Variants in EPHB1 observed in about 807,000 individuals in gnomAD.
EPHB1 encodes EPH receptor B1, also known as ephrin type-B receptor 1.
In EPHB1, 30 loss-of-function variants were observed where a neutral mutation model predicts 94.4. The observed-to-expected ratio is 0.32, with a 90% CI of 0.24 to 0.43. The LOEUF is 0.43. EPHB1 is among the 20% of genes least tolerant of loss of function. The pLI, the probability that EPHB1 is intolerant of heterozygous loss-of-function variation, is 1.00. For synonymous variants in EPHB1, 522 were observed against 489.1 expected (o/e 1.07, Z -0.89); for missense variants, 1,055 against 1,308.3 (o/e 0.81, Z 2.99).
At chr3:134,834,398 C>A (rs969829279) in intron 1 of EPHB1, among the ~76,000 whole-genome samples, 1 of 152,114 alleles carries the variant, frequency 6.6e-6, no homozygotes, top group Non-Finnish European at 1.5e-5. Flanking sequence ...AAAATTGTTA[C>A]CCCTCACACA....
chr3:135,239,403 A>T (rs1039135966), intron 12 of EPHB1, among the ~76,000 whole-genome samples: 8 of 152,204 alleles, frequency 5.3e-5, no homozygotes, highest in Admixed American at 1.3e-4. Context: ...CAGTATAAAA[A>T]TATCCTCTTT....
chr3:134,988,305 G>A (rs1024085719), intron 3 of EPHB1, among the ~76,000 whole-genome samples: 5 of 152,224 alleles, frequency 3.3e-5, no homozygotes. Flanking sequence ...AAAGGAGGGA[G>A]CTCAAGAAAT....
chr3:134,925,981 T>A, intron 2 of EPHB1, 101 bp downstream of exon 2: 1 of 1,063,166 alleles, frequency 9.4e-7, no homozygotes, highest in Non-Finnish European at 1.4e-6. Flanking sequence ...CTGTGGGGAA[T>A]GGAATACAGG....
chr3:134,962,236 A>G (rs1327754624), intron 3 of EPHB1, among the ~76,000 whole-genome samples: 2 of 152,214 alleles, frequency 1.3e-5, no homozygotes, highest in African/African-American at 2.4e-5. Flanking sequence ...GCAAAGTTCC[A>G]TAAACTGCCC....
intron 4 of EPHB1, among the ~76,000 whole-genome samples, chr3:135,128,274 G>C (rs532060419): frequency 6.6e-6 from 1 of 152,366 alleles, no homozygotes; most frequent in South Asian, 2.1e-4. Flanking sequence ...TGGAGATGTT[G>C]CTGGGGTCCC....
At chr3:135,138,378 A>C (rs1335043246) in intron 5 of EPHB1, among the ~76,000 whole-genome samples, 1 of 152,252 alleles carries the variant, frequency 6.6e-6, no homozygotes, top group African/African-American at 2.4e-5. Flanking sequence ...ATTCCTCTGA[A>C]TACATCACCT....
intron 2 of EPHB1, among the ~76,000 whole-genome samples, chr3:134,947,592 C>A (rs562792549): frequency 6.6e-6 from 1 of 152,308 alleles, no homozygotes; most frequent in Non-Finnish European, 1.5e-5. Flanking sequence ...GTCATGGAAT[C>A]AATTAGATCT....
intron 10 of EPHB1, among the ~76,000 whole-genome samples, chr3:135,187,741 G>T (rs1023275271): frequency 6.6e-6 from 1 of 152,124 alleles, no homozygotes; most frequent in South Asian, 2.1e-4. Context: ...CAGGCACCTG[G>T]CAGGGAAACT....
intron 12 of EPHB1, among the ~76,000 whole-genome samples, chr3:135,229,420 T>C (rs568500032): frequency 1.3e-5 from 2 of 152,280 alleles, no homozygotes; most frequent in East Asian, 3.9e-4. Flanking sequence ...ATGTGACTGA[T>C]TATTTTTAAA....
At chr3:135,198,819 G>A (rs1044225355) in intron 11 of EPHB1, among the ~76,000 whole-genome samples, 1 of 152,202 alleles carries the variant, frequency 6.6e-6, no homozygotes, top group Admixed American at 6.5e-5. Flanking sequence ...TATGAAGAAC[G>A]GACACTATGT....
chr3:135,245,755 G>A (rs1421421295), intron 13 of EPHB1, among the ~76,000 whole-genome samples: 1 of 135,358 alleles, frequency 7.4e-6, no homozygotes, highest in Non-Finnish European at 1.5e-5. Context: ...GCAGTGATCT[G>A]AGATTGTGCC....
chr3:135,036,126 A>G (rs1194573682), intron 3 of EPHB1, among the ~76,000 whole-genome samples: 1 of 152,166 alleles, frequency 6.6e-6, no homozygotes, highest in Non-Finnish European at 1.5e-5. Context: ...ACAGAGAGGT[A>G]AGAAGCCGCT....
intron 1 of EPHB1, among the ~76,000 whole-genome samples, chr3:134,871,376 G>T (rs1170047578): frequency 6.6e-6 from 1 of 152,094 alleles, no homozygotes; most frequent in Admixed American, 6.5e-5. Flanking sequence ...GGGCACCTGG[G>T]GTGAGGGAGT....
intron 7 of EPHB1, 66 bp from the exon 8 acceptor site, chr3:135,165,902 T>C: frequency 8.8e-7 from 1 of 1,132,830 alleles, no homozygotes; most frequent in East Asian, 2.4e-5. Flanking sequence ...TTTGGTATTG[T>C]GCACTGAGTA....
intron 1 of EPHB1, among the ~76,000 whole-genome samples, chr3:134,903,061 G>C (rs1345702540): frequency 6.6e-6 from 1 of 152,218 alleles, no homozygotes; most frequent in Non-Finnish European, 1.5e-5. Context: ...ACATGGTCCT[G>C]ACTATGGCCC....
chr3:134,943,187 C>T (rs2039153483), intron 2 of EPHB1, among the ~76,000 whole-genome samples: 1 of 152,196 alleles, frequency 6.6e-6, no homozygotes, highest in Non-Finnish European at 1.5e-5. Flanking sequence ...CCAACATGGT[C>T]TAGAGTGGTT....
chr3:134,998,456 A>G (rs1935067578), intron 3 of EPHB1, among the ~76,000 whole-genome samples: 1 of 152,162 alleles, frequency 6.6e-6, no homozygotes, highest in Admixed American at 6.5e-5. Context: ...TCTTCATGCA[A>G]TCTCTGTTTT....
intron 1 of EPHB1, among the ~76,000 whole-genome samples, chr3:134,919,045 C>T (rs900751385): frequency 6.6e-6 from 1 of 152,084 alleles, no homozygotes; most frequent in African/African-American, 2.4e-5. Context: ...TTGCTGTGGT[C>T]CTCATGTGCA....
intron 10 of EPHB1, among the ~76,000 whole-genome samples, chr3:135,183,233 TCCCTCC>T (rs1559865578): frequency 6.5e-5 from 7 of 108,412 alleles, no homozygotes; most frequent in African/African-American, 1.4e-4. Flanking sequence ...CCTCCCTTCC[TCCCTCC>T]CTCCCTTTCT....
Sources: allele counts gnomAD v4.1 joint callset (sites outside exome capture counted in the v4.1 genomes callset), GRCh38; gene constraint gnomAD v4.1.1; transcripts MANE v1.5; gene names NCBI Gene and HGNC (gene_info 2026-07-23, HGNC 2026-07-21).